Variants in PTPRQ observed in about 807,000 individuals in gnomAD.
PTPRQ encodes protein tyrosine phosphatase receptor type Q.
In PTPRQ, 199 loss-of-function variants were observed where a neutral mutation model predicts 246.0. The ratio of observed to expected loss-of-function variants is 0.81; its 90% CI spans 0.72 to 0.91. The LOEUF (loss-of-function observed/expected upper bound fraction) is 0.91. PTPRQ is among the 40% of genes least tolerant of loss of function. The pLI, the probability that PTPRQ is intolerant of heterozygous loss-of-function variation, is 0.00. For synonymous variants in PTPRQ, 869 were observed against 853.2 expected (o/e 1.02, Z -0.32); for missense variants, 2,624 against 2,528.4 (o/e 1.04, Z -0.81).
At chr12:80,523,212 C>G (rs1264325127) in intron 17 of PTPRQ, among the ~76,000 whole-genome samples, 1 of 151,894 alleles carries the variant, frequency 6.6e-6, no homozygotes. Flanking sequence ...TGGTGATATC[C>G]CCTTTAGCAT....
At chr12:80,466,948 C>T (rs1893442347) in intron 6 of PTPRQ, among the ~76,000 whole-genome samples, 2 of 152,114 alleles carry the variant, frequency 1.3e-5, no homozygotes, top group South Asian at 4.2e-4. Flanking sequence ...TAGGCATGGG[C>T]AAGGACTTCA....
chr12:80,590,491 C>A lies in PTPRQ; in HGVS notation c.4609+2039C>A, dbSNP rs960209770. On this transcript the variant is annotated intron_variant, in intron 26 of 44. Transcript: ENST00000644991. Reference sequence around the variant, plus strand: ...GACTATCCTGGCTAACATGGTGAAACCCCGTCTCTACTAAAAAATACAAAA... The same window carrying A: ...GACTATCCTGGCTAACATGGTGAAAACCCGTCTCTACTAAAAAATACAAAA... 1.5e-4 allele frequency among the ~76,000 whole-genome samples: 23 copies of A among 151,852 alleles called. No individual in the cohort carries two copies. In the East Asian group the frequency reaches 2.3e-3, roughly 15 times the overall value.
chr12:80,455,834 C>T (rs1366361131), intron 3 of PTPRQ, among the ~76,000 whole-genome samples: 5 of 151,960 alleles, frequency 3.3e-5, no homozygotes, highest in African/African-American at 9.7e-5. Flanking sequence ...CTCCTGACCT[C>T]GTGATTCGCC....
intron 33 of PTPRQ, among the ~76,000 whole-genome samples, chr12:80,626,000 G>A (rs1236459094): frequency 6.6e-6 from 1 of 152,122 alleles, no homozygotes; most frequent in Non-Finnish European, 1.5e-5. Context: ...TCTCATTAAA[G>A]CTGAACATGA....
rs141357237 is a variant in PTPRQ, at chr12:80,632,607, G to A, written c.5786+316G>A. The stretch of plus-strand genomic sequence containing the variant: ...AGAGAAATCTAAGAGTCCAGAAGTA[G>A]CAAGCAAAACAAAGCAGCTACTCTC... On this transcript the variant is annotated intron_variant, in intron 34 of 44. Coordinates refer to ENST00000644991, the MANE Select transcript of PTPRQ (RefSeq NM_001145026.2). 4.0e-3 allele frequency among the ~76,000 whole-genome samples: 612 copies of A among 152,264 alleles called. 8 individuals carry two copies. Among genetic ancestry groups the A allele is most frequent in the African/African-American group, 0.014 (591 of 41,552 alleles).
At chr12:80,569,896 T>C (rs941917211) in intron 25 of PTPRQ, among the ~76,000 whole-genome samples, 8 of 152,214 alleles carry the variant, frequency 5.3e-5, no homozygotes, top group African/African-American at 1.9e-4. Flanking sequence ...TCCATGTCCC[T>C]GCAAAGGACA....
At chr12:80,561,835 A>G (rs1158771242) in intron 25 of PTPRQ, among the ~76,000 whole-genome samples, 1 of 152,118 alleles carries the variant, frequency 6.6e-6, no homozygotes, top group Non-Finnish European at 1.5e-5. Context: ...AAGAGCAATG[A>G]AAGAGGACAC....
intron 43 of PTPRQ, among the ~76,000 whole-genome samples, chr12:80,675,878 G>A (rs1153043): frequency 0.41 from 61,568 of 151,892 alleles, 13,701 homozygotes; most frequent in African/African-American, 0.6. Context: ...ACTTTGTTTA[G>A]TTAGCCTCTT....
At position 80,546,568 on chromosome 12, in the gene PTPRQ, T is replaced by C. The variant is rs1245573437; in HGVS notation, c.3886T>C (p.Phe1296Leu). The C allele has an allele frequency of 3.1e-5, 48 of 1,548,426 alleles. No homozygotes were observed. Among genetic ancestry groups the C allele is most frequent in the Admixed American group, 1.2e-4 (6 of 50,304 alleles). Residue 1296 changes from phenylalanine to leucine, a missense_variant, in exon 24 of 45, where the codon TTT (phenylalanine) becomes CTT (leucine). Phe to Leu is a conservative substitution (Grantham distance 22). Coordinates refer to ENST00000644991, the MANE Select transcript of PTPRQ (RefSeq NM_001145026.2). ...DTIYYKNISGFKTEAKLVGLE... is the reference protein window; with the variant it reads ...DTIYYKNISGLKTEAKLVGLE... ...TTCTGTTTTTCAGAATATATCAGGA[T>C]TTAAAACTGAAGCCAAACTTGTTGG... is the stretch of plus-strand genomic sequence containing the variant.
Position 80,648,931 on chromosome 12 carries a change from T to G in PTPRQ, c.5942+8T>G. 2.0e-6 allele frequency: 3 copies of G among 1,505,530 alleles called. No individual in the cohort carries two copies. Among genetic ancestry groups the G allele is most frequent in the Non-Finnish European group, 2.7e-6 (3 of 1,126,664 alleles). The allele number at this position is 1,505,530 out of a possible 1,614,324, so 93.3% of individuals were successfully genotyped here. A position where few individuals can be genotyped will look rare whatever the true frequency, so the allele number is the denominator to read the frequency against. ...TTATAGAAAATCCATCAAGTAAGTTTGTTAAATATTTTCTTTCTTCTTTTT... is the reference window on the plus strand; with the variant it reads ...TTATAGAAAATCCATCAAGTAAGTTGGTTAAATATTTTCTTTCTTCTTTTT... On this transcript the variant is annotated splice_region_variant and intron_variant, in intron 36 of 44. Transcript: ENST00000644991.
intron 25 of PTPRQ, among the ~76,000 whole-genome samples, chr12:80,579,057 TAC>T (rs1395260265): frequency 6.6e-6 from 1 of 152,188 alleles, no homozygotes; most frequent in Non-Finnish European, 1.5e-5. Context: ...AATATTTCTT[TAC>T]ATTTTTCTTT....
chr12:80,570,541 C>T (rs933536030), intron 25 of PTPRQ, among the ~76,000 whole-genome samples: 1 of 152,038 alleles, frequency 6.6e-6, no homozygotes, highest in Non-Finnish European at 1.5e-5. Flanking sequence ...TTTGCCTGTT[C>T]ACTCTGATGA....
At chr12:80,645,036 C>G (rs534963083) in intron 35 of PTPRQ, among the ~76,000 whole-genome samples, 18 of 151,950 alleles carry the variant, frequency 1.2e-4, no homozygotes, top group Non-Finnish European at 2.4e-4. Flanking sequence ...AAAAACTGGA[C>G]TACTAGAAGC....
Position 80,445,590 on chromosome 12 carries a change from C to A in PTPRQ, c.263C>A (p.Ser88Tyr). The change falls in exon 3 of 45, where the codon TCT becomes TAT. Residue 88 changes from serine to tyrosine, a missense_variant. Transcript: ENST00000644991. ...TPPNPNGRII[S>Y]YIVKYKEVCP... ...CCTAATCCAAATGGAAGGATTATAT[C>A]TTACATTGTCAAATATAAGGAAGTT... 1.9e-6 allele frequency: 3 copies of A among 1,549,138 alleles called. No homozygotes were observed. Among genetic ancestry groups the A allele is most frequent in the Non-Finnish European group, 2.6e-6 (3 of 1,145,000 alleles).
chr12:80,500,578 T>C (rs1196280741), intron 14 of PTPRQ, among the ~76,000 whole-genome samples: 7 of 152,046 alleles, frequency 4.6e-5, no homozygotes, highest in Non-Finnish European at 1.0e-4. Flanking sequence ...AATTCAAGCA[T>C]AGCATCACAA....
chr12:80,516,314 C>T (rs1592603861), intron 17 of PTPRQ, among the ~76,000 whole-genome samples: 1 of 152,200 alleles, frequency 6.6e-6, no homozygotes, highest in Middle Eastern at 3.4e-3. Context: ...CCCTCTATAG[C>T]TAAAAGACTG....
intron 44 of PTPRQ, 21 bp from the exon 45 acceptor site, chr12:80,678,965 A>C: frequency 6.5e-7 from 1 of 1,539,504 alleles, no homozygotes. Flanking sequence ...CTCTCTTGTA[A>C]CATGTTACTT....
At chr12:80,565,348 C>T (rs1349330274) in intron 25 of PTPRQ, among the ~76,000 whole-genome samples, 2 of 152,212 alleles carry the variant, frequency 1.3e-5, no homozygotes, top group East Asian at 3.8e-4. Context: ...CAAGCTCCAG[C>T]TAAGGCCAGC....
At chr12:80,657,648 A>G (rs1199630399) in intron 38 of PTPRQ, among the ~76,000 whole-genome samples, 2 of 151,894 alleles carry the variant, frequency 1.3e-5, no homozygotes, top group Non-Finnish European at 2.9e-5. Context: ...TTTAAAAATA[A>G]TTAACTACAT....
Sources: gnomAD v4.1 joint callset for allele counts (sites outside exome capture counted in the v4.1 genomes callset) on GRCh38, gnomAD v4.1.1 for gene constraint, MANE v1.5 for transcripts, NCBI Gene and HGNC (gene_info 2026-07-23, HGNC 2026-07-21) for gene names.